Variants in RCBTB2 observed in about 807,000 individuals in gnomAD.
RCBTB2 encodes RCC1 and BTB domain containing protein 2, also known as RCC1 and BTB domain-containing protein 2.
In RCBTB2, 55 loss-of-function variants were observed where a neutral mutation model predicts 65.4. The observed-to-expected ratio is 0.84, with a 90% CI of 0.68 to 1.05. The LOEUF (loss-of-function observed/expected upper bound fraction) is 1.05. Among genes scored for constraint, RCBTB2 ranks in the 50% least tolerant of loss-of-function variants. The probability of loss-of-function intolerance (pLI) is 0.00; values close to 1 mark genes in which losing one functional copy is unlikely to be tolerated. For missense variants in RCBTB2, 599 were observed against 680.1 expected, an observed-to-expected ratio of 0.88 and a Z score of 1.33; for synonymous variants, 220 against 255.2, an observed-to-expected ratio of 0.86 and a Z score of 1.31.
intron 6 of RCBTB2, among the ~76,000 whole-genome samples, chr13:48,515,001 T>C (rs1046768626): frequency 7.9e-4 from 121 of 152,346 alleles, no homozygotes; most frequent in African/African-American, 2.9e-3. Flanking sequence ...TACAGCGTTG[T>C]CATTCATACA....
At chr13:48,533,721 C>T (rs1952304900), upstream of RCBTB2, among the ~76,000 whole-genome samples, 1 of 152,248 alleles carries the variant, frequency 6.6e-6, no homozygotes, top group African/African-American at 2.4e-5. Context: ...TTACACTGCA[C>T]TTCTGTTGGC....
chr13:48,510,247 C>T (rs895801113), intron 10 of RCBTB2, among the ~76,000 whole-genome samples: 4 of 152,154 alleles, frequency 2.6e-5, no homozygotes, highest in African/African-American at 9.7e-5. Flanking sequence ...ATGCAAGGTA[C>T]CTTTTCCTAA....
chr13:48,504,656 C>A (rs1950401922), intron 10 of RCBTB2, among the ~76,000 whole-genome samples: 1 of 152,220 alleles, frequency 6.6e-6, no homozygotes, highest in Admixed American at 6.5e-5. Context: ...TGGCTTAATT[C>A]TCTCTAAGCA....
Position 48,504,284 on chromosome 13 carries a change from G to T in RCBTB2, c.927-1370C>A, listed in dbSNP as rs1004552538. On this transcript the variant is annotated intron_variant, in intron 10 of 14. Coordinates refer to ENST00000344532, the MANE Select transcript of RCBTB2 (RefSeq NM_001268.4). ...ACCGTTCTCATCAGAACTTTCACAC[G>T]GGCAGTGGCTTCTCTCAGATAAAAT... The T allele has an allele frequency of 5.1e-6, 5 of 985,118 alleles. No homozygotes were observed. The East Asian group carries it at 5.7e-4, about 112-fold the overall frequency. The allele number at this position is 985,118 out of a possible 1,614,324, so 61.0% of individuals were successfully genotyped here.
chr13:48,496,692 C>T (rs979708586), intron 13 of RCBTB2, among the ~76,000 whole-genome samples: 4 of 148,106 alleles, frequency 2.7e-5, no homozygotes, highest in Non-Finnish European at 3.0e-5. Context: ...GAGTGCCCGC[C>T]GTGAAAAGAA....
At chr13:48,492,056 A>G (rs1318489338) in intron 14 of RCBTB2, among the ~76,000 whole-genome samples, 1 of 152,110 alleles carries the variant, frequency 6.6e-6, no homozygotes, top group Middle Eastern at 3.2e-3. Context: ...ACATTCTCCT[A>G]GTTTGCTCAT....
At chr13:48,503,064 A>C in intron 10 of RCBTB2, 150 bp from the exon 11 acceptor site, 1 of 807,816 alleles carries the variant, frequency 1.2e-6, no homozygotes, top group Non-Finnish European at 1.9e-6. Context: ...AAACCACCAC[A>C]TGACTCATAC....
chr13:48,529,320 A>G (rs932900165), intron 1 of RCBTB2, among the ~76,000 whole-genome samples: 3 of 152,204 alleles, frequency 2.0e-5, no homozygotes, highest in African/African-American at 4.8e-5. Context: ...CACAGCATAT[A>G]TATTCCTTCA....
At position 48,511,780 on chromosome 13, in the gene RCBTB2, C is replaced by G. The variant is rs371016980; in HGVS notation, c.773G>C (p.Arg258Pro). ...PCRVAALQGIRVQRVACGYAH... is the reference protein window; with the variant it reads ...PCRVAALQGIPVQRVACGYAH... ...TGACAGTGGACGTACCCTCTGGACA[C>G]GGATGCCTTGCAAAGCTGCCACTCT... is the stretch of plus-strand genomic sequence containing the variant. The change falls in exon 9 of 15, where the codon CGT (arginine) becomes CCT (proline). Residue 258 changes from arginine to proline, a missense_variant. Coordinates refer to ENST00000344532, the MANE Select transcript of RCBTB2 (RefSeq NM_001268.4). 5 of 1,613,960 alleles carry G rather than the reference C, an allele frequency of 3.1e-6. 1 individual carries two copies. The South Asian group carries it at 4.4e-5, about 14-fold the overall frequency.
chr13:48,514,589 T>C (rs865969224), intron 6 of RCBTB2, among the ~76,000 whole-genome samples: 16 of 152,364 alleles, frequency 1.1e-4, no homozygotes, highest in Middle Eastern at 3.4e-3. Flanking sequence ...AGAAAGGATC[T>C]GCATTAACTT....
chr13:48,502,418 A>G (rs981039436), intron 11 of RCBTB2, among the ~76,000 whole-genome samples: 1 of 152,108 alleles, frequency 6.6e-6, no homozygotes, highest in Non-Finnish European at 1.5e-5. Flanking sequence ...GCTTGAACCC[A>G]GGGGCTGAAG....
intron 1 of RCBTB2, among the ~76,000 whole-genome samples, chr13:48,527,109 T>C (rs1951784069): frequency 6.6e-6 from 1 of 151,464 alleles, no homozygotes; most frequent in Non-Finnish European, 1.5e-5. Context: ...GTCCCCCCTT[T>C]TCTGCATAGG....
At chr13:48,524,084 A>AT (rs553812612) in intron 2 of RCBTB2, among the ~76,000 whole-genome samples, 7 of 152,154 alleles carry the variant, frequency 4.6e-5, no homozygotes, top group Admixed American at 4.6e-4. Context: ...AGTGTTTTGA[A>AT]TTTTTTAGCA....
intron 1 of RCBTB2, among the ~76,000 whole-genome samples, chr13:48,525,391 T>C (rs1335622412): frequency 7.5e-6 from 1 of 132,742 alleles, no homozygotes; most frequent in Admixed American, 7.3e-5. Flanking sequence ...TATATATATA[T>C]ATATATATAT....
At chr13:48,522,614 T>A (rs2138614802) in intron 2 of RCBTB2, among the ~76,000 whole-genome samples, 1 of 152,338 alleles carries the variant, frequency 6.6e-6, no homozygotes, top group African/African-American at 2.4e-5. Flanking sequence ...GCAGAAGCTA[T>A]GCAATATGTC....
At chr13:48,508,965 A>C (rs1950642329) in intron 10 of RCBTB2, among the ~76,000 whole-genome samples, 1 of 152,190 alleles carries the variant, frequency 6.6e-6, no homozygotes, top group Non-Finnish European at 1.5e-5. Flanking sequence ...ACTGGTGGGC[A>C]ATGACGGCAG....
intron 14 of RCBTB2, among the ~76,000 whole-genome samples, chr13:48,491,962 G>T (rs1949718076): frequency 6.6e-6 from 1 of 152,170 alleles, no homozygotes; most frequent in Admixed American, 6.5e-5. Context: ...TTCAGTTAAA[G>T]AATTGTAGTC....
At chr13:48,531,834 T>C (rs1390406839) in intron 1 of RCBTB2, among the ~76,000 whole-genome samples, 1 of 152,188 alleles carries the variant, frequency 6.6e-6, no homozygotes, top group East Asian at 1.9e-4. Context: ...CACAGAGTAA[T>C]GACATTGTTA....
intron 6 of RCBTB2, 53 bp from the exon 7 acceptor site, chr13:48,512,948 C>T (rs150361530): frequency 1.9e-4 from 277 of 1,450,778 alleles, no homozygotes; most frequent in East Asian, 1.1e-3. Flanking sequence ...CTTCATTATA[C>T]GAAAATATAT....
Sources: gnomAD v4.1 joint callset for allele counts (sites outside exome capture counted in the v4.1 genomes callset) on GRCh38, gnomAD v4.1.1 for gene constraint, MANE v1.5 for transcripts, NCBI Gene and HGNC (gene_info 2026-07-23, HGNC 2026-07-21) for gene names.